NRXN3: variants seen among roughly 807,000 people sequenced by gnomAD.
NRXN3 encodes neurexin III.
A neutral mutation model predicts 137.6 loss-of-function variants in NRXN3; 32 were observed. The observed-to-expected ratio is 0.23, with a 90% CI of 0.18 to 0.31. NRXN3 has a LOEUF of 0.31. Ranked by LOEUF, NRXN3 falls within the 10% of genes least tolerant of loss-of-function variation. The pLI is 1.00. For missense variants in NRXN3, 1,574 were observed against 2,062.5 expected, an observed-to-expected ratio of 0.76 and a Z score of 4.59; for synonymous variants, 798 against 784.5, an observed-to-expected ratio of 1.02 and a Z score of -0.29.
At chr14:78,410,261 A>T (rs950576973) in intron 4 of NRXN3, among the ~76,000 whole-genome samples, 3 of 152,224 alleles carry the variant, frequency 2.0e-5, no homozygotes, top group Admixed American at 6.5e-5. Context: ...TTTACGCTGG[A>T]GAATGGTAGT....
chr14:78,260,307 A>G (rs2153474122), intron 2 of NRXN3, among the ~76,000 whole-genome samples: 1 of 152,330 alleles, frequency 6.6e-6, no homozygotes, highest in Middle Eastern at 3.4e-3. Flanking sequence ...AAGGTACTCC[A>G]AGAAGTCACA....
intron 15 of NRXN3, among the ~76,000 whole-genome samples, chr14:79,347,485 GAT>G (rs1310483507): frequency 5.3e-5 from 8 of 150,598 alleles, no homozygotes; most frequent in African/African-American, 2.0e-4. Context: ...GCAGTGGCGT[GAT>G]CTCGGCTCAC....
intron 2 of NRXN3, among the ~76,000 whole-genome samples, chr14:78,256,794 C>T (rs1202110097): frequency 1.3e-5 from 2 of 152,150 alleles, no homozygotes; most frequent in South Asian, 2.1e-4. Flanking sequence ...GTTATGAGAG[C>T]GTAGTAAATT....
chr14:79,257,011 G>A (rs2076669037), intron 15 of NRXN3, among the ~76,000 whole-genome samples: 1 of 152,078 alleles, frequency 6.6e-6, no homozygotes, highest in South Asian at 2.1e-4. Flanking sequence ...TTTGGCTGCT[G>A]TCTTATTTGT....
At chr14:78,983,686 A>C (rs559903086) in intron 14 of NRXN3, among the ~76,000 whole-genome samples, 2 of 151,656 alleles carry the variant, frequency 1.3e-5, no homozygotes, top group Admixed American at 6.6e-5. Context: ...GTGAAACCCT[A>C]TCTCTACTAA....
At chr14:79,116,810 A>G (rs1199706917) in intron 15 of NRXN3, among the ~76,000 whole-genome samples, 3 of 152,232 alleles carry the variant, frequency 2.0e-5, no homozygotes, top group Admixed American at 2.0e-4. Context: ...TTATTAAGAC[A>G]TAGCAAAAGA....
intron 19 of NRXN3, among the ~76,000 whole-genome samples, chr14:79,741,451 A>ATGTGTG (rs113579838): frequency 2.7e-5 from 4 of 149,912 alleles, no homozygotes; most frequent in Non-Finnish European, 5.9e-5. Context: ...AAGTTGAAAT[A>ATGTGTG]TGTGTGTGTG....
intron 10 of NRXN3, among the ~76,000 whole-genome samples, chr14:78,846,231 C>T (rs1443650457): frequency 2.6e-5 from 4 of 152,022 alleles, no homozygotes; most frequent in Non-Finnish European, 4.4e-5. Flanking sequence ...TGAATGTTTT[C>T]CATATTTGAA....
At chr14:78,726,358 AG>A (rs1485906234) in intron 8 of NRXN3, among the ~76,000 whole-genome samples, 2 of 151,790 alleles carry the variant, frequency 1.3e-5, no homozygotes, top group African/African-American at 4.8e-5. Context: ...ACCCCCTAAC[AG>A]GCCCAGTGTG....
intron 10 of NRXN3, among the ~76,000 whole-genome samples, chr14:78,816,589 T>C (rs752830446): frequency 1.7e-4 from 26 of 152,196 alleles, no homozygotes; most frequent in Non-Finnish European, 3.2e-4. Flanking sequence ...CTCAGCTTTT[T>C]ACTACTAAAA....
At chr14:79,550,988 C>T (rs1157186978) in intron 16 of NRXN3, among the ~76,000 whole-genome samples, 1 of 152,166 alleles carries the variant, frequency 6.6e-6, no homozygotes, top group African/African-American at 2.4e-5. Flanking sequence ...AAAGACATTG[C>T]CTGGGCATTA....
chr14:79,262,100 A>C (rs548501984), intron 15 of NRXN3, among the ~76,000 whole-genome samples: 1 of 152,266 alleles, frequency 6.6e-6, no homozygotes, highest in East Asian at 1.9e-4. Flanking sequence ...CATTTATACA[A>C]TGTTTACACA....
intron 15 of NRXN3, among the ~76,000 whole-genome samples, chr14:79,044,449 A>G (rs1446632910): frequency 6.6e-6 from 1 of 152,156 alleles, no homozygotes; most frequent in East Asian, 1.9e-4. Context: ...TTCATGTGTA[A>G]GACAAGGGAG....
chr14:78,286,196 G>A (rs1374373821), intron 3 of NRXN3, among the ~76,000 whole-genome samples: 2 of 152,208 alleles, frequency 1.3e-5, no homozygotes, highest in Non-Finnish European at 2.9e-5. Flanking sequence ...CCCTGACCCT[G>A]CCAAATGGGC....
intron 15 of NRXN3, among the ~76,000 whole-genome samples, chr14:79,441,366 C>CTTTT (rs869170695): frequency 0.011 from 710 of 67,260 alleles, 86 homozygotes; most frequent in Middle Eastern, 0.017. Context: ...AACAGAAAAT[C>CTTTT]TTTTTTTTTT....
intron 15 of NRXN3, among the ~76,000 whole-genome samples, chr14:79,071,771 G>A (rs2099688164): frequency 6.6e-6 from 1 of 152,132 alleles, no homozygotes; most frequent in Non-Finnish European, 1.5e-5. Context: ...CTATCAGGGT[G>A]ACTATAATCA....
intron 4 of NRXN3, among the ~76,000 whole-genome samples, chr14:78,330,407 A>G (rs2080662716): frequency 6.6e-6 from 1 of 151,834 alleles, no homozygotes; most frequent in African/African-American, 2.4e-5. Flanking sequence ...TCTTCCTCTC[A>G]TTTCACATGG....
At chr14:79,387,372 T>C (rs997673985) in intron 15 of NRXN3, among the ~76,000 whole-genome samples, 4 of 152,144 alleles carry the variant, frequency 2.6e-5, no homozygotes. Context: ...TCACTGGCCA[T>C]CAGAGAAATG....
intron 15 of NRXN3, among the ~76,000 whole-genome samples, chr14:79,359,050 T>G (rs992617447): frequency 6.6e-6 from 1 of 152,216 alleles, no homozygotes; most frequent in Admixed American, 6.5e-5. Flanking sequence ...TAACTACATA[T>G]GTTTGCAGCA....
Sources: allele counts gnomAD v4.1 joint callset (sites outside exome capture counted in the v4.1 genomes callset), GRCh38; gene constraint gnomAD v4.1.1; transcripts MANE v1.5; gene names NCBI Gene and HGNC (gene_info 2026-07-23, HGNC 2026-07-21).